OR51B5: variants seen among roughly 807,000 people sequenced by gnomAD.
The protein encoded by OR51B5 is olfactory receptor 51B5.
For missense variants in OR51B5, 456 were observed against 374.6 expected, an observed-to-expected ratio of 1.22 and a Z score of -1.79; for synonymous variants, 186 against 144.8, an observed-to-expected ratio of 1.28 and a Z score of -2.04.
intron 1 of OR51B5, among the ~76,000 whole-genome samples, chr11:5,484,573 C>T (rs1851473545): frequency 6.6e-6 from 1 of 152,160 alleles, no homozygotes; most frequent in Non-Finnish European, 1.5e-5. Context: ...TAAAAAATAT[C>T]AGTGCAATGC....
At chr11:5,443,238 C>T (rs1377467749) in intron 1 of OR51B5, among the ~76,000 whole-genome samples, 1 of 152,084 alleles carries the variant, frequency 6.6e-6, no homozygotes, top group African/African-American at 2.4e-5. Context: ...TTTATTCCTA[C>T]CACTCCTCAT....
At chr11:5,461,948 T>C (rs1477054226) in intron 1 of OR51B5, among the ~76,000 whole-genome samples, 1 of 152,198 alleles carries the variant, frequency 6.6e-6, no homozygotes, top group African/African-American at 2.4e-5. Flanking sequence ...ATCTGGTCTC[T>C]TCATGGGAGA....
At chr11:5,340,686 A>T (rs1279742937), downstream of OR51B5, 1 of 152,188 alleles carries the variant, frequency 6.6e-6, no homozygotes, top group East Asian at 1.9e-4. Flanking sequence ...AGGATAGTCT[A>T]CTGTAGTGGA....
intron 1 of OR51B5, among the ~76,000 whole-genome samples, chr11:5,470,093 G>A (rs935675948): frequency 6.6e-6 from 1 of 152,098 alleles, no homozygotes; most frequent in East Asian, 1.9e-4. Context: ...TTCTCAAATT[G>A]TGCTGTATGC....
At chr11:5,356,763 A>G (rs372054279) in intron 1 of OR51B5, among the ~76,000 whole-genome samples, 4 of 121,802 alleles carry the variant, frequency 3.3e-5, no homozygotes, top group African/African-American at 1.2e-4. Flanking sequence ...GCCCATCAGA[A>G]TAACAGCAGA....
At chr11:5,372,894 T>C (rs891175374) in intron 1 of OR51B5, among the ~76,000 whole-genome samples, 1 of 152,216 alleles carries the variant, frequency 6.6e-6, no homozygotes, top group African/African-American at 2.4e-5. Flanking sequence ...ACCAACTTGA[T>C]GGCAGCACAC....
intron 1 of OR51B5, among the ~76,000 whole-genome samples, chr11:5,383,107 A>G (rs1216245469): frequency 6.6e-6 from 1 of 151,690 alleles, no homozygotes; most frequent in Non-Finnish European, 1.5e-5. Context: ...TTTTTTTCTA[A>G]ATGTTGATGG....
chr11:5,500,017 C>A (rs188198439), intron 1 of OR51B5, among the ~76,000 whole-genome samples: 212 of 152,310 alleles, frequency 1.4e-3, no homozygotes, highest in African/African-American at 5.0e-3. Flanking sequence ...GTGATCCCTG[C>A]CTAGCCTAGG....
intron 1 of OR51B5, among the ~76,000 whole-genome samples, chr11:5,428,976 A>G (rs939834844): frequency 2.0e-5 from 3 of 152,130 alleles, no homozygotes; most frequent in African/African-American, 7.2e-5. Flanking sequence ...TGACTGCTCC[A>G]ATTGGTCCTA....
At chr11:5,383,402 G>C (rs1397955768) in intron 1 of OR51B5, among the ~76,000 whole-genome samples, 1 of 152,184 alleles carries the variant, frequency 6.6e-6, no homozygotes, top group Non-Finnish European at 1.5e-5. Flanking sequence ...TCTTGAAGTA[G>C]TGGTGATTGT....
At chr11:5,454,047 C>T (rs1267632705) in intron 1 of OR51B5, 5 of 1,614,036 alleles carry the variant, frequency 3.1e-6, no homozygotes, top group Non-Finnish European at 4.2e-6. Context: ...CATGATGAGG[C>T]TTGCCTGTGC....
intron 1 of OR51B5, chr11:5,352,544 C>A: frequency 1.4e-6 from 1 of 721,426 alleles, no homozygotes; most frequent in Non-Finnish European, 2.3e-6. Flanking sequence ...TCAATGAGAA[C>A]TAATCAATCC....
chr11:5,407,552 T>C (rs1343628917), intron 1 of OR51B5, among the ~76,000 whole-genome samples: 1 of 152,226 alleles, frequency 6.6e-6, no homozygotes, highest in Non-Finnish European at 1.5e-5. Context: ...TTTTGATTTC[T>C]CACACATTAT....
intron 1 of OR51B5, chr11:5,455,556 AG>A (rs1448564068): frequency 2.4e-5 from 1 of 40,968 alleles, no homozygotes; most frequent in Non-Finnish European, 6.7e-5. Flanking sequence ...TGGGGGAGAA[AG>A]AAGGGGGGAG....
intron 1 of OR51B5, chr11:5,430,748 G>A (rs747605540): frequency 2.2e-6 from 1 of 457,018 alleles, no homozygotes; most frequent in South Asian, 1.5e-5. Context: ...AGTACAGGTG[G>A]CACCAAAAGG....
intron 1 of OR51B5, chr11:5,489,598 G>C: frequency 6.2e-7 from 1 of 1,613,988 alleles, no homozygotes; most frequent in Non-Finnish European, 8.5e-7. Context: ...TCTCTATGGA[G>C]CTAGAACCAA....
At chr11:5,375,061 A>G (rs905860865) in intron 1 of OR51B5, among the ~76,000 whole-genome samples, 3 of 151,330 alleles carry the variant, frequency 2.0e-5, no homozygotes, top group Admixed American at 2.0e-4. Context: ...ATGAAGGAAA[A>G]AATGTTAAGG....
At chr11:5,354,586 G>C (rs1352468171) in intron 1 of OR51B5, 1 of 156,158 alleles carries the variant, frequency 6.4e-6, no homozygotes, top group Non-Finnish European at 1.4e-5. Context: ...CAACAGTAGG[G>C]TCGAAGACCT....
intron 1 of OR51B5, chr11:5,351,663 C>T: frequency 6.2e-7 from 1 of 1,614,126 alleles, no homozygotes; most frequent in Non-Finnish European, 8.5e-7. Context: ...ATGATCATAA[C>T]CTCCATGAGC....
Sources: gnomAD v4.1 joint callset for allele counts (sites outside exome capture counted in the v4.1 genomes callset) on GRCh38, gnomAD v4.1.1 for gene constraint, MANE v1.5 for transcripts, NCBI Gene and HGNC (gene_info 2026-07-23, HGNC 2026-07-21) for gene names.